The following CNTN3 variants were observed in gnomAD, a reference collection of about 807,000 sequenced individuals.
CNTN3 encodes the protein contactin 3, also known as contactin-3.
Under a neutral mutation model 119.1 loss-of-function variants are expected in CNTN3, and 60 were observed. That is an observed-to-expected ratio of 0.50 (90% confidence interval 0.41 to 0.62). The LOEUF is 0.62. Among genes scored for constraint, CNTN3 ranks in the 20% least tolerant of loss-of-function variants. The pLI is 0.00. For missense variants in CNTN3, 1,101 were observed against 1,242.4 expected, an observed-to-expected ratio of 0.89 and a Z score of 1.71; for synonymous variants, 450 against 438.7, an observed-to-expected ratio of 1.03 and a Z score of -0.32.
intron 1 of CNTN3, among the ~76,000 whole-genome samples, chr3:74,595,952 GC>G (rs375122608): frequency 0.019 from 2,962 of 152,176 alleles, 67 homozygotes; most frequent in South Asian, 0.07. Flanking sequence ...CATTGTCTCA[GC>G]CCAAAATCTC....
intron 1 of CNTN3, among the ~76,000 whole-genome samples, chr3:74,556,742 T>A (rs1043028296): frequency 1.3e-5 from 2 of 152,226 alleles, no homozygotes; most frequent in Non-Finnish European, 2.9e-5. Context: ...CTCCACCATC[T>A]TACTATCCCA....
chr3:74,363,732 G>T (rs1252498449), intron 10 of CNTN3, among the ~76,000 whole-genome samples: 1 of 152,036 alleles, frequency 6.6e-6, no homozygotes, highest in African/African-American at 2.4e-5. Context: ...CCTGATAATA[G>T]TGATGATATT....
chr3:74,612,782 C>T (rs1171116447), intron 1 of CNTN3, among the ~76,000 whole-genome samples: 1 of 152,140 alleles, frequency 6.6e-6, no homozygotes, highest in African/African-American at 2.4e-5. Flanking sequence ...ACCAATAATT[C>T]CCAACCCCAC....
chr3:74,601,397 G>C (rs533662582), intron 1 of CNTN3, among the ~76,000 whole-genome samples: 14 of 152,186 alleles, frequency 9.2e-5, no homozygotes, highest in South Asian at 6.2e-4. Flanking sequence ...ATACATATCT[G>C]AGTTCTTTTA....
Position 74,486,572 on chromosome 3 carries a change from C to G in CNTN3, c.242G>C (p.Gly81Ala). 6.2e-7 allele frequency: 1 copy of G among 1,609,456 alleles called. No homozygotes were observed. Among genetic ancestry groups the G allele is most frequent in the South Asian group, 1.1e-5 (1 of 89,876 alleles). ...GGGATTAATAACCACAAGATTTCCT[C>G]CATTCAACTTATAACGATGTTCCAT... ...MSMEHRYKLN[G>A]GNLVVINPNR... The change falls in exon 4 of 23, where the codon GGA becomes GCA. Residue 81 changes from glycine (G) to alanine (A), a missense_variant. Transcript: ENST00000263665.
intron 5 of CNTN3, among the ~76,000 whole-genome samples, chr3:74,405,009 A>G (rs1705290054): frequency 6.6e-6 from 1 of 152,042 alleles, no homozygotes; most frequent in African/African-American, 2.4e-5. Flanking sequence ...GAAGAAAAGA[A>G]GAAAAAGTCA....
In CNTN3 at chr3:74,415,640, G is replaced by C. The variant is rs114108912; in HGVS notation, c.454+9205C>G. Among the ~76,000 whole-genome samples the C allele has an allele frequency of 9.5e-3, 1,446 of 152,258 alleles. 10 individuals carry two copies. Among genetic ancestry groups the C allele is most frequent in the Admixed American group, 0.017 (265 of 15,290 alleles). On this transcript the variant is annotated intron_variant, in intron 5 of 22. Transcript: ENST00000263665. ...TCACAGTCAGCCTAAGTAAGGATCA[G>C]AATGATATACAGACACAAGCTGTTT...
At chr3:74,586,233 T>C (rs780496876) in intron 1 of CNTN3, among the ~76,000 whole-genome samples, 9 of 152,186 alleles carry the variant, frequency 5.9e-5, no homozygotes, top group Non-Finnish European at 1.2e-4. Flanking sequence ...TATTTGTTCC[T>C]CTATAGTGAT....
chr3:74,533,895 C>T (rs1486390882), intron 1 of CNTN3, among the ~76,000 whole-genome samples: 1 of 152,022 alleles, frequency 6.6e-6, no homozygotes, highest in Non-Finnish European at 1.5e-5. Context: ...AGATGAGCTA[C>T]TGGCACCTAG....
At chr3:74,563,556 T>C (rs1704185122) in intron 1 of CNTN3, among the ~76,000 whole-genome samples, 1 of 152,094 alleles carries the variant, frequency 6.6e-6, no homozygotes, top group African/African-American at 2.4e-5. Flanking sequence ...GTCCCCAAGT[T>C]CTGAGGCAGA....
At chr3:74,440,445 C>T (rs1701943755) in intron 4 of CNTN3, among the ~76,000 whole-genome samples, 1 of 150,336 alleles carries the variant, frequency 6.7e-6, no homozygotes, top group South Asian at 2.1e-4. Context: ...TGCTACAGAT[C>T]TCTTGAATCG....
chr3:74,337,060 T>A (rs112058872), intron 11 of CNTN3, among the ~76,000 whole-genome samples: 132 of 152,276 alleles, frequency 8.7e-4, no homozygotes, highest in Non-Finnish European at 1.6e-3. Flanking sequence ...ACACTATGTC[T>A]CTTAAATTTG....
rs531324937 is a variant in CNTN3 at position 74,525,153 on chromosome 3, A to G, written c.-80-3961T>C. Among the ~76,000 whole-genome samples the G allele has an allele frequency of 6.6e-5, 10 of 151,990 alleles. No individual in the cohort carries two copies. The East Asian group carries it at 2.0e-3, about 30-fold the overall frequency. ...GCTTAACAAGATGAAAAGAGAACAC[A>G]TTTTGCAACATACCAATGTTACTCT... On this transcript the variant is annotated intron_variant, in intron 1 of 22. Transcript: ENST00000263665.
intron 18 of CNTN3, among the ~76,000 whole-genome samples, chr3:74,296,122 T>G (rs974642898): frequency 6.6e-6 from 1 of 152,132 alleles, no homozygotes; most frequent in African/African-American, 2.4e-5. Context: ...TAACTCTCCC[T>G]TGGATTCACA....
intron 5 of CNTN3, among the ~76,000 whole-genome samples, chr3:74,380,389 T>C (rs1326362879): frequency 6.6e-6 from 1 of 152,240 alleles, no homozygotes; most frequent in Non-Finnish European, 1.5e-5. Context: ...ACTTTCCTCA[T>C]CGCTTATATT....
chr3:74,371,162 A>C (rs748958761), intron 6 of CNTN3, 34 bp downstream of exon 6: 1 of 1,509,092 alleles, frequency 6.6e-7, no homozygotes, highest in South Asian at 1.1e-5. Flanking sequence ...AGCACCATTT[A>C]CGCTCAGAAG....
intron 5 of CNTN3, among the ~76,000 whole-genome samples, chr3:74,398,858 G>A (rs910630807): frequency 2.0e-5 from 3 of 152,014 alleles, no homozygotes; most frequent in Non-Finnish European, 2.9e-5. Flanking sequence ...CACTTATCAC[G>A]TGGTTAATTT....
At chr3:74,518,367 A>C (rs960440651) in intron 2 of CNTN3, among the ~76,000 whole-genome samples, 4 of 152,002 alleles carry the variant, frequency 2.6e-5, no homozygotes, top group Non-Finnish European at 5.9e-5. Flanking sequence ...ATTTGAAATA[A>C]GTTTTTCTGT....
intron 4 of CNTN3, among the ~76,000 whole-genome samples, chr3:74,471,109 T>C (rs1702553728): frequency 6.6e-6 from 1 of 152,054 alleles, no homozygotes; most frequent in African/African-American, 2.4e-5. Context: ...TCTCTTGACA[T>C]TGTGATCCGC....
Sources: gnomAD v4.1 joint callset for allele counts (sites outside exome capture counted in the v4.1 genomes callset) on GRCh38, gnomAD v4.1.1 for gene constraint, MANE v1.5 for transcripts, NCBI Gene and HGNC (gene_info 2026-07-23, HGNC 2026-07-21) for gene names.